Variants in CDC42SE2 observed in about 807,000 individuals in gnomAD.
CDC42SE2 encodes the protein CDC42 small effector 2.
Under a neutral mutation model 11.5 loss-of-function variants are expected in CDC42SE2, and 3 were observed. The observed-to-expected ratio is 0.26, with a 90% CI of 0.12 to 0.67. The LOEUF is 0.67. Among genes scored for constraint, CDC42SE2 ranks in the 30% least tolerant of loss-of-function variants. The pLI, the probability that CDC42SE2 is intolerant of heterozygous loss-of-function variation, is 0.80. For missense variants in CDC42SE2, 82 were observed against 106.8 expected (o/e 0.77, Z 1.02); for synonymous variants, 33 against 34.8 (o/e 0.95, Z 0.18).
intron 2 of CDC42SE2, among the ~76,000 whole-genome samples, chr5:131,320,054 GAAA>G (rs763857152): frequency 0.024 from 1,478 of 62,798 alleles, 24 homozygotes; most frequent in African/African-American, 0.072. Flanking sequence ...CCGTCTTAAA[GAAA>G]AAAAAAAAAA....
At chr5:131,370,515 G>A (rs1435883394) in intron 3 of CDC42SE2, among the ~76,000 whole-genome samples, 2 of 151,044 alleles carry the variant, frequency 1.3e-5, no homozygotes, top group African/African-American at 2.4e-5. Context: ...CAGAGACAGG[G>A]TCTTGCTTTG....
chr5:131,374,528 C>CAAAAA (rs11311226), intron 3 of CDC42SE2, among the ~76,000 whole-genome samples: 1 of 70,582 alleles, frequency 1.4e-5, no homozygotes, highest in African/African-American at 5.2e-5. Flanking sequence ...GAGACTGTCT[C>CAAAAA]AAAAAAAAAA....
chr5:131,357,138 T>C (rs1171852913), intron 2 of CDC42SE2, among the ~76,000 whole-genome samples: 1 of 152,264 alleles, frequency 6.6e-6, no homozygotes, highest in Non-Finnish European at 1.5e-5. Flanking sequence ...GGCCAAAGAC[T>C]GCCACTTCCT....
At chr5:131,239,411 G>A in the CDC42SE2 span, among the ~76,000 whole-genome samples, 3 of 151,714 alleles carry the variant, frequency 2.0e-5, no homozygotes, top group Non-Finnish European at 4.4e-5. Context: ...CACTCCAGCC[G>A]GGGCAACAGA....
intron 2 of CDC42SE2, among the ~76,000 whole-genome samples, chr5:131,332,214 G>A (rs1001569030): frequency 2.0e-5 from 3 of 152,044 alleles, no homozygotes; most frequent in Non-Finnish European, 2.9e-5. Flanking sequence ...GAGAACATGC[G>A]GTGTTTGGTT....
chr5:131,374,455 C>T (rs536706158), intron 3 of CDC42SE2, among the ~76,000 whole-genome samples: 7 of 147,404 alleles, frequency 4.7e-5, no homozygotes, highest in African/African-American at 1.0e-4. Flanking sequence ...CACCTGAACC[C>T]GGGTGGCAGA....
intron 2 of CDC42SE2, among the ~76,000 whole-genome samples, chr5:131,318,144 G>T (rs1284847650): frequency 1.3e-5 from 2 of 152,090 alleles, no homozygotes; most frequent in African/African-American, 2.4e-5. Context: ...TCACCATGTT[G>T]TCCAGGCTGG....
chr5:131,221,972 T>C, the CDC42SE2 span, among the ~76,000 whole-genome samples: 1 of 152,226 alleles, frequency 6.6e-6, no homozygotes, highest in Admixed American at 6.5e-5. Context: ...CAGAAATCAT[T>C]TAAATATGAA....
rs551122688 is a variant in CDC42SE2, at chr5:131,307,488, C to G, written c.-454-8488C>G. 4.1e-3 allele frequency among the ~76,000 whole-genome samples: 628 copies of G among 152,148 alleles called. 4 individuals carry two copies. The highest frequency in any genetic ancestry group is 0.013 in the African/African-American group (545 of 41,484). ...TCATTGTTGGACATTTGGCTTGGTT[C>G]CAAGTCTTTGCTATTGTGAATAATG... On this transcript the variant is annotated intron_variant, in intron 1 of 4. Coordinates refer to ENST00000505065, the MANE Select transcript of CDC42SE2 (RefSeq NM_001375635.1).
intron 3 of CDC42SE2, among the ~76,000 whole-genome samples, chr5:131,372,537 C>T (rs185070368): frequency 2.2e-4 from 34 of 152,090 alleles, no homozygotes; most frequent in Admixed American, 3.9e-4. Context: ...CACAGTGAAA[C>T]CCCGTCTCTA....
At chr5:131,387,366 TA>T (rs1432732179) in intron 4 of CDC42SE2, among the ~76,000 whole-genome samples, 1 of 152,086 alleles carries the variant, frequency 6.6e-6, no homozygotes, top group Non-Finnish European at 1.5e-5. Flanking sequence ...CTGAGCAATG[TA>T]GTGAAACCCT....
intron 2 of CDC42SE2, among the ~76,000 whole-genome samples, chr5:131,338,852 C>T (rs1257545715): frequency 1.3e-5 from 2 of 152,062 alleles, no homozygotes; most frequent in Non-Finnish European, 2.9e-5. Context: ...CCATGTGGTA[C>T]AGGAATCTCA....
In CDC42SE2 at chr5:131,295,684, CT is replaced by C. The variant is rs1159996671; in HGVS notation, c.-454-20276del. Among the ~76,000 whole-genome samples, 440 of 139,618 alleles carry C rather than the reference CT, an allele frequency of 3.2e-3. 1 individual carries two copies. The highest frequency in any genetic ancestry group is 7.9e-3 in the Admixed American group (109 of 13,744). 91.6% of individuals were successfully genotyped at this position (139,618 alleles called of 152,430 possible). ...TGGACAGAAGAGTGAGGGTGAAACA[CT>C]TTTTTTTTTTTTTTTGAGACAGAGT... On this transcript the variant is annotated intron_variant, in intron 1 of 4. Coordinates refer to ENST00000505065, the MANE Select transcript of CDC42SE2 (RefSeq NM_001375635.1).
chr5:131,282,001 A>T (rs752049032), intron 1 of CDC42SE2, among the ~76,000 whole-genome samples: 20 of 152,186 alleles, frequency 1.3e-4, no homozygotes, highest in Non-Finnish European at 2.8e-4. Context: ...CCACTTGGAC[A>T]TTTCACTTGA....
At chr5:131,224,780 C>T in the CDC42SE2 span, among the ~76,000 whole-genome samples, 11 of 151,904 alleles carry the variant, frequency 7.2e-5, no homozygotes, top group African/African-American at 2.7e-4. Context: ...AAGAGTGAAG[C>T]GTGCTGAATG....
chr5:131,275,323 G>GTC (rs1230197213), intron 1 of CDC42SE2, among the ~76,000 whole-genome samples: 3 of 148,538 alleles, frequency 2.0e-5, no homozygotes, highest in Non-Finnish European at 4.4e-5. Flanking sequence ...TTGAGACTGA[G>GTC]TCTCGCTCTT....
At chr5:131,348,162 A>G (rs1366433095) in intron 2 of CDC42SE2, among the ~76,000 whole-genome samples, 1 of 152,188 alleles carries the variant, frequency 6.6e-6, no homozygotes, top group Non-Finnish European at 1.5e-5. Context: ...AGGCAGGAGA[A>G]GGGAATAAAG....
Position 131,385,654 on chromosome 5 carries a change from T to C in CDC42SE2, c.156+10T>C. On this transcript the variant is annotated intron_variant, in intron 4 of 4. Transcript: ENST00000505065. Reference sequence around the variant, plus strand: ...CAGTGGAATGAATTCAGTAAGTATGTTGGTGGGACATGCAGGTAGGGCATT... The same window carrying C: ...CAGTGGAATGAATTCAGTAAGTATGCTGGTGGGACATGCAGGTAGGGCATT... The C allele has an allele frequency of 6.4e-7, 1 of 1,570,542 alleles. No individual in the cohort carries two copies. The highest frequency in any genetic ancestry group is 1.1e-5 in the South Asian group (1 of 89,898).
chr5:131,239,206 A>G, the CDC42SE2 span, among the ~76,000 whole-genome samples: 2 of 151,720 alleles, frequency 1.3e-5, no homozygotes. Flanking sequence ...AAATATATAT[A>G]TATTAAAAAC....
Sources: allele counts gnomAD v4.1 joint callset (sites outside exome capture counted in the v4.1 genomes callset), GRCh38; gene constraint gnomAD v4.1.1; transcripts MANE v1.5; gene names NCBI Gene and HGNC (gene_info 2026-07-23, HGNC 2026-07-21).